STK24: variants seen among roughly 807,000 people sequenced by gnomAD.
The protein encoded by STK24 is serine/threonine-protein kinase 24.
Under a neutral mutation model 55.6 loss-of-function variants are expected in STK24, and 21 were observed. The ratio of observed to expected loss-of-function variants is 0.38; its 90% CI spans 0.27 to 0.54. The LOEUF (loss-of-function observed/expected upper bound fraction) is 0.54. Ranked by LOEUF, STK24 falls within the 20% of genes least tolerant of loss-of-function variation. The probability of loss-of-function intolerance (pLI) is 0.79; values close to 1 mark genes in which losing one functional copy is unlikely to be tolerated. For missense variants in STK24, 383 were observed against 538.4 expected (o/e 0.71, Z 2.86); for synonymous variants, 200 against 215.2 (o/e 0.93, Z 0.62).
chr13:98,539,256 G>A (rs995885162), intron 1 of STK24, among the ~76,000 whole-genome samples: 2 of 152,012 alleles, frequency 1.3e-5, no homozygotes, highest in African/African-American at 2.4e-5. Context: ...TTTGTGATTC[G>A]GCTGCTTTTC....
intron 3 of STK24, among the ~76,000 whole-genome samples, chr13:98,477,307 T>C (rs930666319): frequency 3.9e-5 from 6 of 152,184 alleles, no homozygotes; most frequent in African/African-American, 1.4e-4. Flanking sequence ...GGGAGGAGGA[T>C]AGAGATGCCG....
At chr13:98,567,951 G>C (rs1399448276) in intron 1 of STK24, among the ~76,000 whole-genome samples, 2 of 148,712 alleles carry the variant, frequency 1.3e-5, no homozygotes, top group Middle Eastern at 3.2e-3. Flanking sequence ...AAAGGGGGGG[G>C]GTGGGGAGTA....
chr13:98,495,900 G>C (rs533558714), intron 2 of STK24, among the ~76,000 whole-genome samples: 4 of 152,104 alleles, frequency 2.6e-5, no homozygotes, highest in African/African-American at 9.7e-5. Flanking sequence ...CTGATACCAC[G>C]GGCTCCATGG....
intron 7 of STK24, among the ~76,000 whole-genome samples, chr13:98,462,971 C>T (rs1380790686): frequency 1.3e-5 from 2 of 152,252 alleles, no homozygotes; most frequent in Non-Finnish European, 2.9e-5. Flanking sequence ...CAAGAACTTC[C>T]GGGGGCAGTG....
In STK24 at chr13:98,449,283, G is replaced by A. The variant is rs1219849065; in HGVS notation, c.*3890C>T. On this transcript the variant is annotated 3_prime_UTR_variant, in exon 11 of 11. Coordinates refer to ENST00000539966, the MANE Select transcript of STK24 (RefSeq NM_001032296.4). ...CCTCCTGCAACTGTGGTTTGAAACT[G>A]CGCATTCTCTAGTAGTATATATCGT... The A allele has an allele frequency of 6.6e-6, 1 of 152,186 alleles. No individual in the cohort carries two copies. Among genetic ancestry groups the A allele is most frequent in the African/African-American group, 2.4e-5 (1 of 41,426 alleles). 9.4% of individuals were successfully genotyped at this position (152,186 alleles called of 1,614,324 possible).
chr13:98,463,991 C>T (rs760734407), intron 6 of STK24, among the ~76,000 whole-genome samples, 155 bp from the exon 7 acceptor site: 1 of 152,168 alleles, frequency 6.6e-6, no homozygotes, highest in African/African-American at 2.4e-5. Context: ...CACCCAAAGA[C>T]GAGTCGCTCA....
chr13:98,473,437 G>C (rs1017978871), intron 5 of STK24, among the ~76,000 whole-genome samples: 1 of 151,108 alleles, frequency 6.6e-6, no homozygotes, highest in African/African-American at 2.4e-5. Flanking sequence ...AATCTACACA[G>C]ATGAACTTTG....
At chr13:98,508,597 G>A (rs920283348) in intron 2 of STK24, among the ~76,000 whole-genome samples, 5 of 152,112 alleles carry the variant, frequency 3.3e-5, no homozygotes, top group Admixed American at 6.5e-5. Context: ...GCTATTGTCC[G>A]GGAAAGTGAG....
intron 1 of STK24, among the ~76,000 whole-genome samples, chr13:98,539,354 C>T (rs566339565): frequency 3.9e-5 from 6 of 152,264 alleles, no homozygotes; most frequent in Non-Finnish European, 7.4e-5. Flanking sequence ...CGTCCCCTTC[C>T]TATATTAAAA....
intron 2 of STK24, among the ~76,000 whole-genome samples, chr13:98,495,290 T>C (rs1429471645): frequency 2.6e-5 from 4 of 152,232 alleles, no homozygotes; most frequent in Non-Finnish European, 5.9e-5. Flanking sequence ...CATAATCTAA[T>C]TAACATTTGT....
At chr13:98,473,099 T>TC (rs1480699233) in intron 5 of STK24, among the ~76,000 whole-genome samples, 1 of 150,830 alleles carries the variant, frequency 6.6e-6, no homozygotes, top group Non-Finnish European at 1.5e-5. Context: ...ACTGTCAGTC[T>TC]CCCCCATATG....
intron 1 of STK24, among the ~76,000 whole-genome samples, chr13:98,535,477 G>A (rs1896704673): frequency 6.0e-5 from 9 of 149,488 alleles, no homozygotes; most frequent in Admixed American, 6.0e-4. Context: ...CTTGGAAAGT[G>A]AAACTGGCAC....
chr13:98,521,608 C>A (rs1046664554), intron 1 of STK24, among the ~76,000 whole-genome samples: 14 of 152,154 alleles, frequency 9.2e-5, no homozygotes, highest in African/African-American at 3.4e-4. Context: ...CCTGACTCCC[C>A]CTACACGCGG....
chr13:98,518,222 A>G (rs1896135195), intron 2 of STK24, among the ~76,000 whole-genome samples: 1 of 152,232 alleles, frequency 6.6e-6, no homozygotes, highest in African/African-American at 2.4e-5. Context: ...ATTTTAGTTA[A>G]TCAATGGTTC....
chr13:98,526,015 T>TA (rs1454577199), intron 1 of STK24, among the ~76,000 whole-genome samples: 1 of 152,124 alleles, frequency 6.6e-6, no homozygotes, highest in Non-Finnish European at 1.5e-5. Context: ...GGACAGGCTT[T>TA]GGTTGGGTAA....
chr13:98,567,776 G>A (rs2139461221), intron 1 of STK24, among the ~76,000 whole-genome samples: 1 of 152,110 alleles, frequency 6.6e-6, no homozygotes, highest in East Asian at 1.9e-4. Flanking sequence ...CTGAAGAATA[G>A]CAACTTGGAG....
At chr13:98,559,132 C>T (rs544578628) in intron 1 of STK24, among the ~76,000 whole-genome samples, 14 of 151,642 alleles carry the variant, frequency 9.2e-5, no homozygotes, top group African/African-American at 2.4e-4. Context: ...GGAGGTTGCA[C>T]CATTGCACTC....
intron 3 of STK24, among the ~76,000 whole-genome samples, chr13:98,476,249 C>CCT (rs1164748731): frequency 2.7e-5 from 4 of 148,602 alleles, no homozygotes; most frequent in Non-Finnish European, 4.5e-5. Flanking sequence ...AGCCCCCCCC[C>CCT]GCCCCCTGCA....
In STK24 at chr13:98,448,441, TCTC is replaced by T. The variant is rs1278757101; in HGVS notation, c.*4729_*4731del. On this transcript the variant is annotated 3_prime_UTR_variant, in exon 11 of 11. Transcript: ENST00000539966. The stretch of plus-strand genomic sequence containing the variant: ...ATCAAAAACATGGCTTCCCAGCAGC[TCTC>T]CTGTCTCCACAGCCGCGTTTTTTAA... 2 of 785,548 alleles carry T rather than the reference TCTC, an allele frequency of 2.5e-6. No homozygotes were observed. Among genetic ancestry groups the T allele is most frequent in the Admixed American group, 2.1e-5 (1 of 46,804 alleles). 48.7% of individuals were successfully genotyped at this position (785,548 alleles called of 1,614,324 possible).
Sources: gnomAD v4.1 joint callset for allele counts (sites outside exome capture counted in the v4.1 genomes callset) on GRCh38, gnomAD v4.1.1 for gene constraint, MANE v1.5 for transcripts, NCBI Gene and HGNC (gene_info 2026-07-23, HGNC 2026-07-21) for gene names.